WDR19: variants seen among roughly 807,000 people sequenced by gnomAD.
WDR19 encodes the protein WD repeat-containing protein 19.
In WDR19, 121 loss-of-function variants were observed where a neutral mutation model predicts 180.0. The observed-to-expected ratio is 0.67, with a 90% CI of 0.58 to 0.78. WDR19 has a LOEUF of 0.78. Among genes scored for constraint, WDR19 ranks in the 30% least tolerant of loss-of-function variants. WDR19 has a pLI of 0.00. For missense variants in WDR19, 1,450 were observed against 1,640.7 expected (o/e 0.88, Z 2.01); for synonymous variants, 497 against 540.7 (o/e 0.92, Z 1.12).
chr4:39,186,837 A>T lies in WDR19; in HGVS notation c.164+233A>T, dbSNP rs917344056. ...GAGAAGCCTTACGGCAGGATTATAA[A>T]TCAGACCGTGTGAAAGAATTAGAGT... is the stretch of plus-strand genomic sequence containing the variant. On this transcript the variant is annotated intron_variant, in intron 3 of 36. Coordinates refer to ENST00000399820, the MANE Select transcript of WDR19 (RefSeq NM_025132.4). 2.6e-5 allele frequency among the ~76,000 whole-genome samples: 4 copies of T among 152,342 alleles called. No individual in the cohort carries two copies. The East Asian group carries it at 7.7e-4, about 29-fold the overall frequency.
intron 1 of WDR19, 83 bp from the exon 2 acceptor site, chr4:39,185,640 GTTT>G: frequency 4.8e-6 from 6 of 1,258,238 alleles, no homozygotes; most frequent in Non-Finnish European, 6.8e-6. Context: ...TGAAAACATG[GTTT>G]TCATGACCAT....
In WDR19 at chr4:39,228,088, A is replaced by G. The variant is rs549196043; in HGVS notation, c.1630-122A>G. On this transcript the variant is annotated intron_variant, in intron 15 of 36. Transcript: ENST00000399820. ...TTTCTTTCCTGTTGTTGTTGGAGTG[A>G]TGTTAGGTTGAATATGACTCAGTAA... 2.5e-5 allele frequency: 24 copies of G among 977,238 alleles called. 1 individual carries two copies. In the South Asian group the frequency reaches 4.2e-4, roughly 17 times the overall value. The allele number at this position is 977,238 out of a possible 1,614,324, so 60.5% of individuals were successfully genotyped here. A position where few individuals can be genotyped will look rare whatever the true frequency, so the allele number is the denominator to read the frequency against.
In WDR19 at chr4:39,199,476, A is replaced by G. The variant is rs374400438; in HGVS notation, c.407-2A>G. 6.2e-7 allele frequency: 1 copy of G among 1,609,630 alleles called. No homozygotes were observed. Among genetic ancestry groups the G allele is most frequent in the Non-Finnish European group, 8.5e-7 (1 of 1,177,972 alleles). ...TCTGTATAAAAATAATCTCTTTTTC[A>G]GGAAAACATACTAAGAGAATCACTT... is the stretch of plus-strand genomic sequence containing the variant. On this transcript the variant is annotated splice_acceptor_variant, in intron 5 of 36. Transcript: ENST00000399820. LOFTEE classifies it high-confidence loss of function.
intron 5 of WDR19, among the ~76,000 whole-genome samples, chr4:39,199,016 A>T (rs949252073): frequency 2.0e-5 from 3 of 150,836 alleles, no homozygotes; most frequent in Non-Finnish European, 3.0e-5. Context: ...AAAAAAAAAG[A>T]ATTAGCTGGG....
intron 1 of WDR19, among the ~76,000 whole-genome samples, chr4:39,183,267 T>TTTTG (rs1725154647): frequency 6.9e-6 from 1 of 145,022 alleles, no homozygotes. Context: ...TTTTTTTTTT[T>TTTTG]TTTACTGAGT....
intron 33 of WDR19, chr4:39,275,201 G>A (rs7356457): frequency 0.032 from 14,679 of 455,906 alleles, 1,822 homozygotes; most frequent in African/African-American, 0.27. Flanking sequence ...TTGGCTGGGC[G>A]TGGTGGTGCA....
At chr4:39,258,169 T>C (rs1242570552) in intron 28 of WDR19, among the ~76,000 whole-genome samples, 1 of 152,028 alleles carries the variant, frequency 6.6e-6, no homozygotes, top group Non-Finnish European at 1.5e-5. Flanking sequence ...TCTTTTTTTT[T>C]TGAGACAGAG....
chr4:39,262,428 A>C (rs1279225833), intron 28 of WDR19, among the ~76,000 whole-genome samples: 1 of 152,032 alleles, frequency 6.6e-6, no homozygotes, highest in Non-Finnish European at 1.5e-5. Flanking sequence ...TTTTGTAGAG[A>C]TGGGTTTTTG....
Position 39,244,230 on chromosome 4 carries a change from T to A in WDR19, c.2422-18T>A. 1.2e-6 allele frequency: 2 copies of A among 1,606,332 alleles called. No individual in the cohort carries two copies. Among genetic ancestry groups the A allele is most frequent in the Non-Finnish European group, 1.7e-6 (2 of 1,174,216 alleles). On this transcript the variant is annotated intron_variant, in intron 21 of 36. Coordinates refer to ENST00000399820, the MANE Select transcript of WDR19 (RefSeq NM_025132.4). The stretch of plus-strand genomic sequence containing the variant: ...TAAGCTAGAATCTGATTTGTTAGTG[T>A]TTGCCTTGTGATTGCAGGAACATGA...
At position 39,263,595 on chromosome 4, in the gene WDR19, T is replaced by A. The variant is rs569899567; in HGVS notation, c.3184-2468T>A. 2.4e-4 allele frequency among the ~76,000 whole-genome samples: 36 copies of A among 152,070 alleles called. No homozygotes were observed. In the East Asian group the frequency reaches 5.8e-3, roughly 25 times the overall value. On this transcript the variant is annotated intron_variant, in intron 28 of 36. Transcript: ENST00000399820. ...CTGACACTTCAAGTGTGCTCCACTC[T>A]CCCTGGGGGCAGCTGCCATTATTGC...
Position 39,189,640 on chromosome 4 carries a change from C to T in WDR19, c.165-16C>T, listed in dbSNP as rs750820866. On this transcript the variant is annotated splice_polypyrimidine_tract_variant and intron_variant, in intron 3 of 36. Coordinates refer to ENST00000399820, the MANE Select transcript of WDR19 (RefSeq NM_025132.4). ...TAAAAAACTGTATAGTGGTATTTTG[C>T]TCTCTTTTTTAAAAGTAACTGTGTT... The T allele has an allele frequency of 6.4e-7, 1 of 1,571,302 alleles. No homozygotes were observed. The highest frequency in any genetic ancestry group is 1.2e-5 in the South Asian group (1 of 82,934).
At position 39,185,716 on chromosome 4, in the gene WDR19, TA is replaced by T. The variant is rs1262064405; in HGVS notation, c.7-9del. On this transcript the variant is annotated splice_polypyrimidine_tract_variant and intron_variant, in intron 1 of 36. Coordinates refer to ENST00000399820, the MANE Select transcript of WDR19 (RefSeq NM_025132.4). ...TTTTGAAAATATTAAAAATTGTGTT[TA>T]TTTTTTAGCGTATTTTCTCACTGCT... 6.4e-7 allele frequency: 1 copy of T among 1,551,652 alleles called. No homozygotes were observed. The highest frequency in any genetic ancestry group is 8.7e-7 in the Non-Finnish European group (1 of 1,146,662).
intron 1 of WDR19, among the ~76,000 whole-genome samples, chr4:39,183,779 ACAAACAAAATT>A (rs1344076411): frequency 6.6e-6 from 1 of 152,240 alleles, no homozygotes; most frequent in African/African-American, 2.4e-5. Flanking sequence ...CTAATAAGCT[ACAAACAAAATT>A]TAAGTCTTGG....
At chr4:39,231,621 G>T (rs996621562) in intron 17 of WDR19, among the ~76,000 whole-genome samples, 176 bp from the exon 18 acceptor site, 1 of 152,124 alleles carries the variant, frequency 6.6e-6, no homozygotes, top group Non-Finnish European at 1.5e-5. Flanking sequence ...ACATTTATCT[G>T]TAAAAAAAGG....
rs10013263 is a variant in WDR19 at position 39,220,077 on chromosome 4, C to T, written c.1479+1972C>T. On this transcript the variant is annotated intron_variant, in intron 14 of 36. Coordinates refer to ENST00000399820, the MANE Select transcript of WDR19 (RefSeq NM_025132.4). Reference sequence around the variant, plus strand: ...TCTAATAAAAATACAAAAAAATAGCCGGGCGTGGTCATGTGTGCCTGTGGT... The same window carrying T: ...TCTAATAAAAATACAAAAAAATAGCTGGGCGTGGTCATGTGTGCCTGTGGT... 9.6e-3 allele frequency among the ~76,000 whole-genome samples: 1,463 copies of T among 151,838 alleles called. 28 individuals are homozygous for T. Among genetic ancestry groups the T allele is most frequent in the African/African-American group, 0.031 (1,299 of 41,382 alleles).
chr4:39,277,192 C>T (rs1189049207), intron 34 of WDR19, 49 bp downstream of exon 34: 3 of 1,536,598 alleles, frequency 2.0e-6, no homozygotes, highest in African/African-American at 2.8e-5. Context: ...ATATTTGTAA[C>T]CCATTTGAAT....
intron 1 of WDR19, among the ~76,000 whole-genome samples, chr4:39,183,212 A>C (rs1288496427): frequency 7.2e-6 from 1 of 139,396 alleles, no homozygotes; most frequent in South Asian, 2.4e-4. Context: ...TTATCAGAGC[A>C]GTCCCCCCTT....
intron 3 of WDR19, among the ~76,000 whole-genome samples, chr4:39,188,443 A>G (rs1725789827): frequency 6.6e-6 from 1 of 151,932 alleles, no homozygotes; most frequent in South Asian, 2.1e-4. Context: ...GACCAGGCAC[A>G]GGGGCTCACA....
chr4:39,263,212 T>C (rs763830125), intron 28 of WDR19, among the ~76,000 whole-genome samples: 1 of 150,866 alleles, frequency 6.6e-6, no homozygotes, highest in African/African-American at 2.4e-5. Flanking sequence ...GTTGGGAGAG[T>C]CCTCCTTACC....
Sources: allele counts gnomAD v4.1 joint callset (sites outside exome capture counted in the v4.1 genomes callset), GRCh38; gene constraint gnomAD v4.1.1; transcripts MANE v1.5; gene names NCBI Gene and HGNC (gene_info 2026-07-23, HGNC 2026-07-21).